The following RUNX3 variants were observed in gnomAD, a reference collection of about 807,000 sequenced individuals.
RUNX3 encodes the protein RUNX family transcription factor 3, also known as runt-related transcription factor 3.
Under a neutral mutation model 27.7 loss-of-function variants are expected in RUNX3, and 10 were observed. The observed-to-expected ratio is 0.36, with a 90% CI of 0.22 to 0.61. The LOEUF is 0.61. RUNX3 is among the 20% of genes least tolerant of loss of function. RUNX3 has a pLI of 0.72. For missense variants in RUNX3, 469 were observed against 629.5 expected, an observed-to-expected ratio of 0.75 and a Z score of 2.73; for synonymous variants, 270 against 269.2, an observed-to-expected ratio of 1.00 and a Z score of -0.03.
chr1:24,929,891 G>T lies in RUNX3; in HGVS notation c.-23C>A. The T allele has an allele frequency of 7.9e-7, 1 of 1,266,924 alleles. No homozygotes were observed. Among genetic ancestry groups the T allele is most frequent in the Non-Finnish European group, 9.9e-7 (1 of 1,009,504 alleles). 78.5% of individuals were successfully genotyped at this position (1,266,924 alleles called of 1,614,324 possible). The stretch of plus-strand genomic sequence containing the variant: ...CATAACAGCGGCCGTCAGGGCGCCG[G>T]GCAGGCGGAGACGGCGCGGCTTCCC... On this transcript the variant is annotated 5_prime_UTR_variant, in exon 1 of 5. Transcript: ENST00000308873.
At chr1:24,944,911 G>GT (rs900681141) in intron 2 of RUNX3, among the ~76,000 whole-genome samples, 10 of 152,196 alleles carry the variant, frequency 6.6e-5, no homozygotes, top group Admixed American at 2.0e-4. Context: ...ATAAATGCAT[G>GT]TTTTTTTTAA....
At chr1:24,922,672 A>C (rs2124291243) in intron 2 of RUNX3, among the ~76,000 whole-genome samples, 1 of 152,092 alleles carries the variant, frequency 6.6e-6, no homozygotes, top group Non-Finnish European at 1.5e-5. Context: ...CTATGTTTTA[A>C]TAGAAATGGT....
In RUNX3 at chr1:24,943,879, G is replaced by T. The variant is rs1011791825; in HGVS notation, c.59-14027C>A. Among the ~76,000 whole-genome samples, 1 of 152,200 alleles carries T rather than the reference G, an allele frequency of 6.6e-6. No individual in the cohort carries two copies. Among genetic ancestry groups the T allele is most frequent in the Non-Finnish European group, 1.5e-5 (1 of 68,042 alleles). On this transcript the variant is annotated intron_variant, in intron 2 of 6. Coordinates refer to the RUNX3 transcript ENST00000338888. This position sits in a 1 kb window ranked among gnomAD's most constrained non-coding sequence, Gnocchi z 4.6. Reference sequence around the variant, plus strand: ...AACATCTAACCTGAATCCCTCGTTTGCAGGGAAAGCCTCTTCCTTCTCATC... The same window carrying T: ...AACATCTAACCTGAATCCCTCGTTTTCAGGGAAAGCCTCTTCCTTCTCATC...
chr1:24,911,413 G>A lies in RUNX3; in HGVS notation c.545-3996C>T, dbSNP rs530129374. Among the ~76,000 whole-genome samples the A allele has an allele frequency of 1.1e-3, 173 of 152,272 alleles. 1 individual carries two copies. Among genetic ancestry groups the A allele is most frequent in the African/African-American group, 3.9e-3 (161 of 41,528 alleles). On this transcript the variant is annotated intron_variant, in intron 3 of 4. Transcript: ENST00000308873. ...GGTTGACAGCCAGCCTGGGTTCGAG[G>A]ACGGGTCCTGTCACTTGCAGTCTGG... is the stretch of plus-strand genomic sequence containing the variant.
chr1:24,964,208 G>A (rs1323525420), intron 2 of RUNX3, among the ~76,000 whole-genome samples: 2 of 152,188 alleles, frequency 1.3e-5, no homozygotes, highest in South Asian at 2.1e-4. Flanking sequence ...GCAGCAAGCC[G>A]AGGGTCCCTG....
intron 1 of RUNX3, chr1:24,929,264 C>G (rs1396112533): frequency 3.4e-6 from 2 of 592,960 alleles, no homozygotes; most frequent in African/African-American, 1.8e-5. Flanking sequence ...CTCCGTTACC[C>G]GCAGGGCTGT....
At chr1:24,952,911 G>A (rs897527296) in intron 2 of RUNX3, among the ~76,000 whole-genome samples, 1 of 151,930 alleles carries the variant, frequency 6.6e-6, no homozygotes, top group Non-Finnish European at 1.5e-5. Context: ...ATTCTAACAG[G>A]ATCAATCTTC....
chr1:24,909,713 C>T (rs957460760), intron 3 of RUNX3, among the ~76,000 whole-genome samples: 1 of 152,218 alleles, frequency 6.6e-6, no homozygotes, highest in Non-Finnish European at 1.5e-5. Context: ...CTCCCGGGAA[C>T]GTCCCTGTTC....
chr1:24,925,983 G>A (rs1473024410), intron 2 of RUNX3, among the ~76,000 whole-genome samples: 2 of 152,130 alleles, frequency 1.3e-5, no homozygotes, highest in East Asian at 1.9e-4. Flanking sequence ...ACAAGGTCTC[G>A]GTAACTCAGA....
chr1:24,930,204 C>G lies in RUNX3; in HGVS notation c.-336G>C. On this transcript the variant is annotated 5_prime_UTR_variant, in exon 1 of 5. Coordinates refer to ENST00000308873, the MANE Select transcript of RUNX3 (RefSeq NM_004350.3). The surrounding 1 kb of genome is among the most constrained non-coding windows in gnomAD (Gnocchi z 4.1). ...GCTGTGCCGCTGCCGCCGCCTCCCG[C>G]CCCGAAGCTCGCCCGCGGCCGCCCC... 1.0e-6 allele frequency: 1 copy of G among 981,490 alleles called. No homozygotes were observed. The highest frequency in any genetic ancestry group is 1.2e-6 in the Non-Finnish European group (1 of 828,334). The allele number at this position is 981,490 out of a possible 1,614,324, so 60.8% of individuals were successfully genotyped here.
chr1:24,954,806 G>A (rs1281008270), intron 2 of RUNX3, among the ~76,000 whole-genome samples: 1 of 152,200 alleles, frequency 6.6e-6, no homozygotes, highest in Non-Finnish European at 1.5e-5. Flanking sequence ...GTGGGTGCGG[G>A]AGGCCCCTGT....
chr1:24,907,370 A>T lies in RUNX3; in HGVS notation c.592T>A (p.Phe198Ile). The stretch of plus-strand genomic sequence containing the variant: ...ATGCGCAGCCGTTCCAGGTCCCCAA[A>T]GCGGTCAGGGAACGGCTTGGTCTGG... ...EDQTKPFPDR[F>I]GDLERLRMRV... Residue 198 changes from phenylalanine (F) to isoleucine (I), a missense_variant, in exon 4 of 5, where the codon TTT becomes ATT. Physicochemically the swap from Phe to Ile is conservative, Grantham distance 21. This residue lies in a region of RUNX3 where 279 missense variants were observed against 343.0 expected (regional missense o/e 0.81). Coordinates refer to ENST00000308873, the MANE Select transcript of RUNX3 (RefSeq NM_004350.3). 6.2e-7 allele frequency: 1 copy of T among 1,613,890 alleles called. No homozygotes were observed. Among genetic ancestry groups the T allele is most frequent in the Non-Finnish European group, 8.5e-7 (1 of 1,179,986 alleles).
At chr1:24,930,543 G>A (rs943904577), upstream of RUNX3, among the ~76,000 whole-genome samples, 1 of 151,984 alleles carries the variant, frequency 6.6e-6, no homozygotes, top group African/African-American at 2.4e-5. This position sits in a 1 kb window ranked among gnomAD's most constrained non-coding sequence, Gnocchi z 4.1. Context: ...TAGAACGTCC[G>A]GGTCCCACGG....
At chr1:24,955,760 T>TG (rs895515144) in intron 2 of RUNX3, among the ~76,000 whole-genome samples, 18 of 152,214 alleles carry the variant, frequency 1.2e-4, no homozygotes, top group Admixed American at 3.3e-4. Context: ...TGAAAAACAC[T>TG]GGGGGGGAGG....
At chr1:24,909,855 G>A (rs1357981942) in intron 3 of RUNX3, among the ~76,000 whole-genome samples, 1 of 152,196 alleles carries the variant, frequency 6.6e-6, no homozygotes, top group African/African-American at 2.4e-5. Context: ...ACGTGACTTG[G>A]TGGGAGGCTG....
intron 2 of RUNX3, among the ~76,000 whole-genome samples, chr1:24,953,742 T>C (rs1191810834): frequency 1.3e-5 from 2 of 152,216 alleles, no homozygotes; most frequent in African/African-American, 4.8e-5. Context: ...CCAAAACTTT[T>C]TTAGGGCCAA....
intron 4 of RUNX3, 62 bp downstream of exon 4, chr1:24,907,197 G>A (rs550072633): frequency 2.0e-6 from 3 of 1,538,400 alleles, no homozygotes; most frequent in East Asian, 2.3e-5. Context: ...GGGCAGATTG[G>A]ACCACATCGA....
intron 3 of RUNX3, among the ~76,000 whole-genome samples, chr1:24,915,407 G>C (rs1640871306): frequency 2.0e-5 from 3 of 152,320 alleles, no homozygotes; most frequent in Admixed American, 2.0e-4. Flanking sequence ...CTGGGCAACA[G>C]AGCAAGACTC....
chr1:24,916,253 G>A lies in RUNX3; in HGVS notation c.544+2987C>T, dbSNP rs1640887127. Among the ~76,000 whole-genome samples the A allele has an allele frequency of 1.3e-5, 2 of 152,222 alleles. No individual in the cohort carries two copies. The highest frequency in any genetic ancestry group is 2.4e-5 in the African/African-American group (1 of 41,456). On this transcript the variant is annotated intron_variant, in intron 3 of 4. Coordinates refer to ENST00000308873, the MANE Select transcript of RUNX3 (RefSeq NM_004350.3). The surrounding 1 kb of genome is among the most constrained non-coding windows in gnomAD (Gnocchi z 4.8). ...CTGTAACAACCTGTGAAGGTTGTGG[G>A]GGCACTTCCTGGGGCCAGGCCCCGG...
Sources: allele counts gnomAD v4.1 joint callset (sites outside exome capture counted in the v4.1 genomes callset), GRCh38; gene constraint gnomAD v4.1.1; regional missense constraint gnomAD v4.1.1; non-coding constraint Gnocchi (gnomAD v3.1); transcripts MANE v1.5; gene names NCBI Gene and HGNC (gene_info 2026-07-23, HGNC 2026-07-21).